The following FAM83B variants were observed in gnomAD, a reference collection of about 807,000 sequenced individuals.
The protein encoded by FAM83B is protein FAM83B.
Under a neutral mutation model 38.8 loss-of-function variants are expected in FAM83B, and 26 were observed. The observed-to-expected ratio is 0.67, with a 90% confidence interval of 0.49 to 0.93. The LOEUF is 0.93. FAM83B is among the 40% of genes least tolerant of loss of function. The probability of loss-of-function intolerance (pLI) is 0.00; values close to 1 mark genes in which losing one functional copy is unlikely to be tolerated. For missense variants in FAM83B, 1,237 were observed against 1,197.3 expected (o/e 1.03, Z -0.49); for synonymous variants, 419 against 423.1 (o/e 0.99, Z 0.12).
At chr6:54,848,498 G>A (rs915978859) in intron 1 of FAM83B, among the ~76,000 whole-genome samples, 1 of 152,226 alleles carries the variant, frequency 6.6e-6, no homozygotes, top group African/African-American at 2.4e-5. Flanking sequence ...TGCTGACTCA[G>A]TGATGTCTTT....
At chr6:54,901,678 G>T (rs239841) in intron 2 of FAM83B, among the ~76,000 whole-genome samples, 30,371 of 152,006 alleles carry the variant, frequency 0.2, 3,450 homozygotes, top group African/African-American at 0.31. Flanking sequence ...GAAGTTATGC[G>T]GTCAAGGTAC....
rs547059838 is a variant in FAM83B at position 54,934,171 on chromosome 6, C to T, written c.735-5535C>T. Among the ~76,000 whole-genome samples, 8 of 152,170 alleles carry T rather than the reference C, an allele frequency of 5.3e-5. No homozygotes were observed. In the South Asian group the frequency reaches 6.2e-4, roughly 12 times the overall value. On this transcript the variant is annotated intron_variant, in intron 4 of 4. Transcript: ENST00000306858. ...TTTACTGACCTTGTGTTTGTGTTTTCGGAAGTATTTTTATTTGTAGTTTGT... is the reference window on the plus strand; with the variant it reads ...TTTACTGACCTTGTGTTTGTGTTTTTGGAAGTATTTTTATTTGTAGTTTGT...
intron 1 of FAM83B, among the ~76,000 whole-genome samples, chr6:54,867,061 C>T (rs1392807946): frequency 6.6e-6 from 1 of 151,244 alleles, no homozygotes; most frequent in African/African-American, 2.4e-5. Context: ...ATGGTCTGCT[C>T]AGCTTACATG....
At chr6:54,924,683 GTCT>G (rs1773246857) in intron 2 of FAM83B, among the ~76,000 whole-genome samples, 1 of 151,684 alleles carries the variant, frequency 6.6e-6, no homozygotes, top group African/African-American at 2.4e-5. Flanking sequence ...TTGATTCTTG[GTCT>G]TCTTCACTTT....
chr6:54,858,063 A>G (rs957813604), intron 1 of FAM83B, among the ~76,000 whole-genome samples: 1 of 152,148 alleles, frequency 6.6e-6, no homozygotes, highest in African/African-American at 2.4e-5. Context: ...TGAAGTCTGG[A>G]TGTTTGCAAG....
chr6:54,857,790 C>G (rs980499720), intron 1 of FAM83B, among the ~76,000 whole-genome samples: 11 of 151,962 alleles, frequency 7.2e-5, no homozygotes, highest in Admixed American at 2.0e-4. Context: ...TAAGTTAGAG[C>G]AGGGTACAAC....
In FAM83B at chr6:54,939,692, AT is replaced by A. The variant is rs757147227; in HGVS notation, c.735-7del. On this transcript the variant is annotated splice_polypyrimidine_tract_variant and intron_variant, in intron 4 of 4. Coordinates refer to ENST00000306858, the MANE Select transcript of FAM83B (RefSeq NM_001010872.3). The stretch of plus-strand genomic sequence containing the variant: ...TCTTTTAAATGATTAAAATTTTTCC[AT>A]TTTTTTCCCCAGTTATATGTGGTCA... 1.4e-5 allele frequency: 22 copies of A among 1,545,138 alleles called. 1 individual carries two copies. The highest frequency in any genetic ancestry group is 5.0e-5 in the South Asian group (4 of 79,770).
At chr6:54,916,558 A>G (rs529769062) in intron 2 of FAM83B, among the ~76,000 whole-genome samples, 1 of 152,314 alleles carries the variant, frequency 6.6e-6, no homozygotes, top group African/African-American at 2.4e-5. Context: ...GTGTTTTCCA[A>G]CTGGCTCAGT....
chr6:54,870,353 T>C lies in FAM83B; in HGVS notation c.107T>C (p.Ile36Thr), dbSNP rs565758775. 77 of 1,614,082 alleles carry C rather than the reference T, an allele frequency of 4.8e-5. 1 individual carries two copies. The South Asian group carries it at 8.1e-4, about 17-fold the overall frequency. ...TATCGAGTAGCCATTGATATTCTGA[T>C]TGAACACGGGTTAGAAGCATACCAA... ...EWYRVAIDILIEHGLEAYQEF... is the reference protein window; with the variant it reads ...EWYRVAIDILTEHGLEAYQEF... Residue 36 changes from isoleucine to threonine, a missense_variant, in exon 2 of 5, where the codon ATT becomes ACT. Physicochemically the swap from Ile to Thr is moderately conservative, Grantham distance 89. Coordinates refer to ENST00000306858, the MANE Select transcript of FAM83B (RefSeq NM_001010872.3).
intron 1 of FAM83B, among the ~76,000 whole-genome samples, chr6:54,863,007 G>T (rs552917910): frequency 6.1e-4 from 93 of 152,292 alleles, no homozygotes; most frequent in Non-Finnish European, 8.1e-4. Flanking sequence ...CTGGGAAGAA[G>T]AGTAGGAGGC....
chr6:54,870,789 T>A, intron 2 of FAM83B, 99 bp downstream of exon 2: 1 of 1,175,908 alleles, frequency 8.5e-7, no homozygotes, highest in Non-Finnish European at 1.2e-6. Flanking sequence ...AATCTCTATA[T>A]GTATAGGCCA....
intron 2 of FAM83B, among the ~76,000 whole-genome samples, chr6:54,887,351 G>C (rs558105250): frequency 3.3e-5 from 5 of 152,168 alleles, no homozygotes; most frequent in African/African-American, 1.2e-4. Context: ...GTTTCTGCAG[G>C]ATTGACTGCA....
In FAM83B at chr6:54,941,370, T is replaced by G. The variant is rs763679192; in HGVS notation, c.2399T>G (p.Leu800Trp). Residue 800 changes from leucine (L) to tryptophan (W), a missense_variant, in exon 5 of 5, where the codon TTG becomes TGG. Transcript: ENST00000306858. ...SKNKAPAFYR[L>W]CSSSDTLVSE... is the part of the protein sequence containing the mutation. ...AATAAAGCACCTGCCTTTTATAGAT[T>G]GTGTAGTAGCTCTGACACATTAGTT... 6.2e-7 allele frequency: 1 copy of G among 1,613,502 alleles called. No individual in the cohort carries two copies. The highest frequency in any genetic ancestry group is 1.1e-5 in the South Asian group (1 of 90,874).
intron 1 of FAM83B, among the ~76,000 whole-genome samples, chr6:54,866,147 G>A (rs188678210): frequency 6.6e-6 from 1 of 151,088 alleles, no homozygotes; most frequent in East Asian, 1.9e-4. Flanking sequence ...ATGAAGCAGA[G>A]TTTTAACCTG....
intron 2 of FAM83B, among the ~76,000 whole-genome samples, chr6:54,886,621 GTTATC>G (rs1249280439): frequency 6.6e-6 from 1 of 151,838 alleles, no homozygotes; most frequent in African/African-American, 2.4e-5. Context: ...TTGTGATGAT[GTTATC>G]TTTTCATCCT....
intron 1 of FAM83B, among the ~76,000 whole-genome samples, chr6:54,851,356 C>CT: frequency 6.6e-6 from 1 of 151,968 alleles, no homozygotes; most frequent in African/African-American, 2.4e-5. Context: ...TTCTGATTTA[C>CT]TTTTTTTCCC....
In FAM83B at chr6:54,943,491, GGA is replaced by G. The variant is rs1196773566; in HGVS notation, c.*1486_*1487del. ...CTTAATATATTCTAAGTTGCTGTGT[GGA>G]GCAGTATACTGTTGTTTTAAAAATG... On this transcript the variant is annotated 3_prime_UTR_variant, in exon 5 of 5. Transcript: ENST00000306858. The G allele has an allele frequency of 1.3e-5, 2 of 152,000 alleles. No homozygotes were observed. Among genetic ancestry groups the G allele is most frequent in the Admixed American group, 1.3e-4 (2 of 15,266 alleles). 9.4% of individuals were successfully genotyped at this position (152,000 alleles called of 1,614,324 possible).
chr6:54,871,600 G>T (rs564413107), intron 2 of FAM83B, among the ~76,000 whole-genome samples: 25 of 142,884 alleles, frequency 1.7e-4, no homozygotes, highest in Admixed American at 2.8e-4. Flanking sequence ...ATAATAAGCC[G>T]GATGTGGTGG....
At chr6:54,883,631 T>C (rs1772195148) in intron 2 of FAM83B, among the ~76,000 whole-genome samples, 1 of 151,948 alleles carries the variant, frequency 6.6e-6, no homozygotes, top group Non-Finnish European at 1.5e-5. Context: ...CCACCGCACC[T>C]GGCCGATTGT....
Sources: allele counts gnomAD v4.1 joint callset (sites outside exome capture counted in the v4.1 genomes callset), GRCh38; gene constraint gnomAD v4.1.1; transcripts MANE v1.5; gene names NCBI Gene and HGNC (gene_info 2026-07-23, HGNC 2026-07-21).